The following HMGXB4 variants were observed in gnomAD, a reference collection of about 807,000 sequenced individuals.
The protein encoded by HMGXB4 is HMG domain-containing protein 4.
HMGXB4 carries 27 observed loss-of-function variants against 63.9 expected under a neutral mutation model. That is an observed-to-expected ratio of 0.42 (90% CI 0.31 to 0.58). The LOEUF (loss-of-function observed/expected upper bound fraction) is 0.58, where lower values mean the gene tolerates loss of function less well. HMGXB4 is among the 20% of genes least tolerant of loss of function. The pLI, the probability that HMGXB4 is intolerant of heterozygous loss-of-function variation, is 0.13. For missense variants in HMGXB4, 624 were observed against 700.7 expected (o/e 0.89, Z 1.24); for synonymous variants, 264 against 265.3 (o/e 0.99, Z 0.05).
intron 5 of HMGXB4, among the ~76,000 whole-genome samples, chr22:35,280,671 C>T (rs1411053225): frequency 1.3e-5 from 2 of 152,294 alleles, no homozygotes; most frequent in Admixed American, 6.5e-5. Flanking sequence ...TGGCATCTTC[C>T]GGACAGAATC....
chr22:35,244,136 A>G, the HMGXB4 span, among the ~76,000 whole-genome samples: 1 of 152,070 alleles, frequency 6.6e-6, no homozygotes, highest in Non-Finnish European at 1.5e-5. Flanking sequence ...ATTTCTTCAT[A>G]TACTTTTCCA....
At chr22:35,293,367 C>T (rs942248414) in intron 10 of HMGXB4, among the ~76,000 whole-genome samples, 2 of 152,200 alleles carry the variant, frequency 1.3e-5, no homozygotes, top group African/African-American at 4.8e-5. Context: ...CCTGTGTTTC[C>T]TGTTTGCTAT....
At chr22:35,241,718 C>T in the HMGXB4 span, among the ~76,000 whole-genome samples, 10 of 152,192 alleles carry the variant, frequency 6.6e-5, no homozygotes, top group Non-Finnish European at 1.0e-4. Flanking sequence ...GGCGTGTGTT[C>T]GGGAGAGGGG....
At chr22:35,275,622 T>A (rs1275312267) in intron 5 of HMGXB4, among the ~76,000 whole-genome samples, 1 of 152,162 alleles carries the variant, frequency 6.6e-6, no homozygotes, top group Admixed American at 6.6e-5. Flanking sequence ...CACACACCTG[T>A]AATCCCAGAG....
At position 35,294,633 on chromosome 22, in the gene HMGXB4, A is replaced by G. The variant is rs1037451115; in HGVS notation, c.*982A>G. On this transcript the variant is annotated 3_prime_UTR_variant, in exon 11 of 11. Coordinates refer to ENST00000216106, the MANE Select transcript of HMGXB4 (RefSeq NM_001003681.3). Reference sequence around the variant, plus strand: ...AACTCACTCTCTTGTAGGTTTATTTATGTGTGTGTGAATGTGTATTTTAAT... The same window carrying G: ...AACTCACTCTCTTGTAGGTTTATTTGTGTGTGTGTGAATGTGTATTTTAAT... 1.3e-5 allele frequency: 2 copies of G among 152,712 alleles called. No homozygotes were observed. The highest frequency in any genetic ancestry group is 2.4e-5 in the African/African-American group (1 of 41,556). 9.5% of individuals were successfully genotyped at this position (152,712 alleles called of 1,614,324 possible).
chr22:35,265,673 T>C (rs1923193961), intron 5 of HMGXB4, 70 bp downstream of exon 5: 4 of 1,450,590 alleles, frequency 2.8e-6, no homozygotes, highest in South Asian at 3.0e-5. Flanking sequence ...CAGTGGACTT[T>C]TAAGTTAAGC....
chr22:35,261,834 T>G (rs1221218341), intron 1 of HMGXB4: 1 of 154,250 alleles, frequency 6.5e-6, no homozygotes. Context: ...ATACAGTTAA[T>G]CATTTCTGTT....
intron 8 of HMGXB4, among the ~76,000 whole-genome samples, 186 bp from the exon 9 acceptor site, chr22:35,288,052 A>G (rs1924702289): frequency 6.6e-6 from 1 of 152,226 alleles, no homozygotes; most frequent in Non-Finnish European, 1.5e-5. Context: ...CCCTTTAAGA[A>G]TGTAAAACTA....
rs1925101049 is a variant in HMGXB4, at chr22:35,294,103, A to G, written c.*452A>G. 6.5e-6 allele frequency: 1 copy of G among 152,866 alleles called. No individual in the cohort carries two copies. 9.5% of individuals were successfully genotyped at this position (152,866 alleles called of 1,614,324 possible). The stretch of plus-strand genomic sequence containing the variant: ...ATGTAATAGGAAAGATAACGGGAAG[A>G]TGCCAGTTGACTGAAAATTCAAAGC... On this transcript the variant is annotated 3_prime_UTR_variant, in exon 11 of 11. Transcript: ENST00000216106.
At chr22:35,243,080 A>C in the HMGXB4 span, among the ~76,000 whole-genome samples, 1 of 152,216 alleles carries the variant, frequency 6.6e-6, no homozygotes, top group East Asian at 1.9e-4. Flanking sequence ...ACTTGAAAAG[A>C]ATGTATGGGG....
At position 35,277,563 on chromosome 22, in the gene HMGXB4, G is replaced by C. The variant is rs186226263; in HGVS notation, c.1216-6399G>C. On this transcript the variant is annotated intron_variant, in intron 5 of 10. Transcript: ENST00000216106. ...GGGGTTTCACCATATTGGCCAGGCT[G>C]TCTTGAACTGCTGACCTCAGGTGAT... Among the ~76,000 whole-genome samples the C allele has an allele frequency of 1.9e-3, 293 of 152,298 alleles. 1 individual carries two copies. Among genetic ancestry groups the C allele is most frequent in the African/African-American group, 6.8e-3 (283 of 41,560 alleles).
chr22:35,279,334 G>C (rs1052368601), intron 5 of HMGXB4, among the ~76,000 whole-genome samples: 31 of 151,778 alleles, frequency 2.0e-4, no homozygotes, highest in Non-Finnish European at 7.4e-5. Context: ...TTTTAGTAGA[G>C]ACAGGGTTTC....
Position 35,287,391 on chromosome 22 carries a change from A to C in HMGXB4, c.1407A>C (p.Lys469Asn). ...KAQYLQHKQNKAEATTVKRKA... is the reference protein window; with the variant it reads ...KAQYLQHKQNNAEATTVKRKA... ...AGTATCTGCAGCACAAACAGAACAA[A>C]GCAGAAGCCACAACTGTGAAAAGGA... Residue 469 changes from lysine to asparagine, a missense_variant, in exon 8 of 11, where the codon AAA becomes AAC. Transcript: ENST00000216106. 6.2e-7 allele frequency: 1 copy of C among 1,613,832 alleles called. No homozygotes were observed. The highest frequency in any genetic ancestry group is 8.5e-7 in the Non-Finnish European group (1 of 1,179,776).
chr22:35,288,165 C>G, intron 8 of HMGXB4, 73 bp from the exon 9 acceptor site: 2 of 1,261,684 alleles, frequency 1.6e-6, no homozygotes, highest in Non-Finnish European at 2.1e-6. Context: ...AAGGGAAAAT[C>G]AGGAAGAACA....
chr22:35,248,816 A>G, the HMGXB4 span, among the ~76,000 whole-genome samples: 2 of 152,100 alleles, frequency 1.3e-5, no homozygotes, highest in African/African-American at 2.4e-5. Flanking sequence ...CCCATGATCC[A>G]GTCACTTCCC....
intron 9 of HMGXB4, among the ~76,000 whole-genome samples, chr22:35,290,728 A>G (rs1445312380): frequency 6.6e-6 from 1 of 151,778 alleles, no homozygotes; most frequent in African/African-American, 2.4e-5. Flanking sequence ...AATCATTTGC[A>G]TAGATCTCTG....
At chr22:35,287,304 T>G (rs766858809) in intron 7 of HMGXB4, 43 bp from the exon 8 acceptor site, 1 of 1,445,526 alleles carries the variant, frequency 6.9e-7, no homozygotes, top group Non-Finnish European at 9.6e-7. Flanking sequence ...TTTTACATTT[T>G]GTCCTTCTTA....
intron 5 of HMGXB4, among the ~76,000 whole-genome samples, chr22:35,281,415 G>A (rs190961352): frequency 1.1e-3 from 161 of 152,226 alleles, no homozygotes; most frequent in Admixed American, 3.5e-3. Context: ...CTACATAATC[G>A]AATAAAGTCC....
chr22:35,248,317 T>A, the HMGXB4 span, among the ~76,000 whole-genome samples: 1 of 152,072 alleles, frequency 6.6e-6, no homozygotes, highest in East Asian at 1.9e-4. Flanking sequence ...GGCATCTGCT[T>A]CTGGTGTGCC....
Sources: gnomAD v4.1 joint callset for allele counts (sites outside exome capture counted in the v4.1 genomes callset) on GRCh38, gnomAD v4.1.1 for gene constraint, MANE v1.5 for transcripts, NCBI Gene and HGNC (gene_info 2026-07-23, HGNC 2026-07-21) for gene names.